ERAP1: variants seen among roughly 807,000 people sequenced by gnomAD.
ERAP1 encodes the protein endoplasmic reticulum aminopeptidase 1.
Under a neutral mutation model 103.7 loss-of-function variants are expected in ERAP1, and 86 were observed. That is an observed-to-expected ratio of 0.83 (90% CI 0.70 to 0.99). ERAP1 has a LOEUF of 0.99. Among genes scored for constraint, ERAP1 ranks in the 50% least tolerant of loss-of-function variants. The pLI, the probability that ERAP1 is intolerant of heterozygous loss-of-function variation, is 0.00. For missense variants in ERAP1, 1,009 were observed against 1,128.4 expected, an observed-to-expected ratio of 0.89 and a Z score of 1.52; for synonymous variants, 398 against 402.4, an observed-to-expected ratio of 0.99 and a Z score of 0.13.
At chr5:96,814,807 T>C in the ERAP1 span, among the ~76,000 whole-genome samples, 3,658 of 152,294 alleles carry the variant, frequency 0.024, 63 homozygotes, top group Non-Finnish European at 0.035. Flanking sequence ...GAAAATAGTA[T>C]AGGCCCAATG....
chr5:96,884,048 A>G, the ERAP1 span: 1 of 537,204 alleles, frequency 1.9e-6, no homozygotes, highest in Non-Finnish European at 3.2e-6. Flanking sequence ...CTATCTATCT[A>G]TCTATCTATC....
chr5:96,917,996 TAAC>T, the ERAP1 span: 1 of 148,910 alleles, frequency 6.7e-6, no homozygotes, highest in Non-Finnish European at 1.5e-5. Flanking sequence ...TCAAACAGGG[TAAC>T]ACCAGTGAAG....
At chr5:96,932,721 AT>A in the ERAP1 span, among the ~76,000 whole-genome samples, 1 of 152,222 alleles carries the variant, frequency 6.6e-6, no homozygotes, top group East Asian at 1.9e-4. Flanking sequence ...TTTGATAAAA[AT>A]ATCCCTATAT....
chr5:96,904,801 T>A, the ERAP1 span, among the ~76,000 whole-genome samples: 1 of 152,230 alleles, frequency 6.6e-6, no homozygotes, highest in Non-Finnish European at 1.5e-5. Flanking sequence ...TCCACTTAGA[T>A]TGTCTAAATT....
At position 96,790,306 on chromosome 5, in the gene ERAP1, G is replaced by T. The variant is rs1288369434; in HGVS notation, c.1514C>A (p.Ser505Tyr). The change falls in exon 10 of 19, where the codon TCT (serine) becomes TAT (tyrosine). Residue 505 changes from serine to tyrosine, a missense_variant. By Grantham distance (144) the Ser-to-Tyr change is moderately radical. This residue lies in a region of ERAP1 where 611 missense variants were observed against 651.7 expected (regional missense o/e 0.94). Coordinates refer to ENST00000443439, the MANE Select transcript of ERAP1 (RefSeq NM_001040458.3). ...GATATAGAAACTTACTGAGGATGAAGATGAATGTTGACTTCTAGAGCAAAA... is the reference window on the plus strand; with the variant it reads ...GATATAGAAACTTACTGAGGATGAATATGAATGTTGACTTCTAGAGCAAAA... ...DGFCSRSQHSSSSSHWHQEGV... is the reference protein window; with the variant it reads ...DGFCSRSQHSYSSSHWHQEGV... 6.2e-7 allele frequency: 1 copy of T among 1,614,002 alleles called. No individual in the cohort carries two copies. Among genetic ancestry groups the T allele is most frequent in the Non-Finnish European group, 8.5e-7 (1 of 1,179,914 alleles).
chr5:96,845,456 A>G, the ERAP1 span, among the ~76,000 whole-genome samples: 1 of 152,296 alleles, frequency 6.6e-6, no homozygotes, highest in African/African-American at 2.4e-5. Context: ...GCTGGTGTTG[A>G]ACTCCTGGCC....
At chr5:96,865,589 A>C in the ERAP1 span, among the ~76,000 whole-genome samples, 5 of 152,226 alleles carry the variant, frequency 3.3e-5, 1 homozygote, top group African/African-American at 1.2e-4. Flanking sequence ...AGTGGAAAAT[A>C]AATACAATTT....
Position 96,781,760 on chromosome 5 carries a change from A to G in ERAP1, c.2380T>C (p.Ser794Pro). Residue 794 changes from serine to proline, a missense_variant, in exon 16 of 19, where the codon TCC becomes CCC. By Grantham distance (74) the Ser-to-Pro change is moderately conservative. Coordinates refer to ENST00000443439, the MANE Select transcript of ERAP1 (RefSeq NM_001040458.3). ...FLYSKYQFSLSSTEKSQIEFA... is the reference protein window; with the variant it reads ...FLYSKYQFSLPSTEKSQIEFA... ...TCAATTTGGCTTTTCTCAGTACTGG[A>G]CAAAGAAAACTGATATTTACTATAA... 6.2e-7 allele frequency: 1 copy of G among 1,614,190 alleles called. No individual in the cohort carries two copies. Among genetic ancestry groups the G allele is most frequent in the Non-Finnish European group, 8.5e-7 (1 of 1,180,036 alleles).
chr5:96,889,485 G>C, the ERAP1 span: 2 of 739,890 alleles, frequency 2.7e-6, no homozygotes, highest in Non-Finnish European at 2.4e-6. Flanking sequence ...TTTATGACAT[G>C]CCCCAACAGT....
At chr5:96,928,916 T>C in the ERAP1 span, among the ~76,000 whole-genome samples, 1 of 152,184 alleles carries the variant, frequency 6.6e-6, no homozygotes, top group South Asian at 2.1e-4. Flanking sequence ...GCATGTGCAC[T>C]AAGAGGCAAA....
At position 96,795,030 on chromosome 5, in the gene ERAP1, C is replaced by G; in HGVS notation, c.919+12G>C. On this transcript the variant is annotated intron_variant, in intron 5 of 18. Transcript: ENST00000443439. ...TCAAATGTCATGTGTAATATCTGTG[C>G]AAAATCTCTACCTTGTTTGGGTAGG... The G allele has an allele frequency of 6.2e-7, 1 of 1,613,670 alleles. No individual in the cohort carries two copies. The highest frequency in any genetic ancestry group is 8.5e-7 in the Non-Finnish European group (1 of 1,179,796).
the ERAP1 span, among the ~76,000 whole-genome samples, chr5:96,927,098 T>C: frequency 1.3e-5 from 2 of 152,206 alleles, no homozygotes; most frequent in African/African-American, 4.8e-5. Context: ...ATTACAGGTG[T>C]GAGCCACCAC....
chr5:96,765,699 G>A (rs980204698), intron 19 of ERAP1, among the ~76,000 whole-genome samples: 1 of 152,104 alleles, frequency 6.6e-6, no homozygotes, highest in South Asian at 2.1e-4. Flanking sequence ...GCCTGATTTT[G>A]TATTAGAAAA....
At chr5:96,792,299 G>T in intron 7 of ERAP1, 107 bp from the exon 8 acceptor site, 1 of 993,672 alleles carries the variant, frequency 1.0e-6, no homozygotes, top group South Asian at 1.3e-5. Flanking sequence ...TTCACATTTT[G>T]GGGGCAACCT....
At chr5:96,901,118 G>C in the ERAP1 span, among the ~76,000 whole-genome samples, 2 of 152,148 alleles carry the variant, frequency 1.3e-5, no homozygotes, top group Non-Finnish European at 2.9e-5. Flanking sequence ...CCTAAAGACA[G>C]ATATTTCCCT....
At chr5:96,900,086 C>T in the ERAP1 span, 5 of 1,612,672 alleles carry the variant, frequency 3.1e-6, no homozygotes, top group Non-Finnish European at 4.2e-6. Context: ...CTAATGATGC[C>T]TACATTGCAG....
chr5:96,805,360 A>ATT (rs1561295261), intron 1 of ERAP1, among the ~76,000 whole-genome samples: 94 of 139,514 alleles, frequency 6.7e-4, no homozygotes, highest in African/African-American at 2.3e-3. Flanking sequence ...TTTTTTTTAA[A>ATT]AAAAAAAAAA....
rs776376910 is a variant in ERAP1 at position 96,781,154 on chromosome 5, T to G, written c.2492A>C (p.Glu831Ala). 3.7e-6 allele frequency: 6 copies of G among 1,613,444 alleles called. No individual in the cohort carries two copies. The highest frequency in any genetic ancestry group is 1.7e-4 in the Middle Eastern group (1 of 6,060). ...SFKGDKIKTQ[E>A]FPQILTLIGR... ...AATGAGTGTAAGAATTTGTGGAAAC[T>G]CCTGAGTTTTTATTTTATCTCCCTT... Residue 831 changes from glutamate to alanine, a missense_variant, in exon 17 of 19, where the codon GAG becomes GCG. By Grantham distance (107) the Glu-to-Ala change is moderately radical (BLOSUM62 -1). Transcript: ENST00000443439.
At chr5:96,904,034 G>C in the ERAP1 span, among the ~76,000 whole-genome samples, 1 of 152,214 alleles carries the variant, frequency 6.6e-6, no homozygotes, top group Admixed American at 6.5e-5. Context: ...ACCAAATACC[G>C]GTGTAATCTC....
Sources: gnomAD v4.1 joint callset for allele counts (sites outside exome capture counted in the v4.1 genomes callset) on GRCh38, gnomAD v4.1.1 for gene constraint, gnomAD v4.1.1 regional missense constraint, MANE v1.5 for transcripts, NCBI Gene and HGNC (gene_info 2026-07-23, HGNC 2026-07-21) for gene names.